The following SDK1 variants were observed in gnomAD, a reference collection of about 807,000 sequenced individuals.
SDK1 encodes protein sidekick-1.
In SDK1, 157 loss-of-function variants were observed where a neutral mutation model predicts 245.5. That is an observed-to-expected ratio of 0.64 (90% confidence interval 0.56 to 0.73). The LOEUF (loss-of-function observed/expected upper bound fraction) is 0.73. SDK1 is among the 30% of genes least tolerant of loss of function. SDK1 has a pLI of 0.00. For missense variants in SDK1, 3,583 were observed against 3,002.3 expected (o/e 1.19, Z -4.52); for synonymous variants, 1,647 against 1,278.5 (o/e 1.29, Z -6.15).
chr7:4,166,935 G>A (rs1451311276), intron 32 of SDK1, among the ~76,000 whole-genome samples: 1 of 152,166 alleles, frequency 6.6e-6, no homozygotes, highest in Non-Finnish European at 1.5e-5. Flanking sequence ...GCTGGAAGGA[G>A]AGAGGCTTTC....
chr7:3,413,723 A>G lies in SDK1; in HGVS notation c.298+111839A>G, dbSNP rs553835674. On this transcript the variant is annotated intron_variant, in intron 1 of 44. Transcript: ENST00000404826. ...TAAATAAATAACTAGGAGGCTGTGC[A>G]TGGTGGCTCACACCTGCACTTTGCG... Among the ~76,000 whole-genome samples the G allele has an allele frequency of 3.9e-5, 6 of 152,118 alleles. No homozygotes were observed. In the South Asian group the frequency reaches 1.0e-3, roughly 26 times the overall value.
chr7:3,627,694 T>G (rs1782162516), intron 2 of SDK1, among the ~76,000 whole-genome samples: 1 of 152,220 alleles, frequency 6.6e-6, no homozygotes, highest in Non-Finnish European at 1.5e-5. Flanking sequence ...ATTCATAGCC[T>G]CAGTCCTTGC....
At chr7:3,325,167 C>G (rs4722679) in intron 1 of SDK1, among the ~76,000 whole-genome samples, 35,565 of 151,732 alleles carry the variant, frequency 0.23, 4,555 homozygotes, top group East Asian at 0.35. Context: ...AACACAGATT[C>G]TGATGTGGAG....
chr7:3,928,763 C>T (rs1779868027), intron 5 of SDK1, among the ~76,000 whole-genome samples: 1 of 152,218 alleles, frequency 6.6e-6, no homozygotes, highest in Non-Finnish European at 1.5e-5. Flanking sequence ...CACTAATCTT[C>T]ACACTTACAG....
At chr7:3,696,535 A>G (rs550364292) in intron 4 of SDK1, among the ~76,000 whole-genome samples, 2 of 149,084 alleles carry the variant, frequency 1.3e-5, no homozygotes, top group East Asian at 2.0e-4. Flanking sequence ...ATGTAGTCCA[A>G]CTTTCTCTTT....
At chr7:4,088,692 C>A (rs1319413747) in intron 22 of SDK1, among the ~76,000 whole-genome samples, 1 of 152,080 alleles carries the variant, frequency 6.6e-6, no homozygotes, top group Non-Finnish European at 1.5e-5. Flanking sequence ...TATTCCGGAG[C>A]TCCTGAGACA....
Position 4,221,346 on chromosome 7 carries a change from A to G in SDK1, c.5809A>G (p.Ile1937Val). The G allele has an allele frequency of 1.2e-6, 2 of 1,610,622 alleles. No individual in the cohort carries two copies. Among genetic ancestry groups the G allele is most frequent in the Non-Finnish European group, 1.7e-6 (2 of 1,178,658 alleles). ...CGACACACCTACCACGGGCTATGTGATCGAGGCCCGGCCCTCAGGTAGGGT... is the reference window on the plus strand; with the variant it reads ...CGACACACCTACCACGGGCTATGTGGTCGAGGCCCGGCCCTCAGGTAGGGT... ...SGDTPTTGYV[I>V]EARPSDEGLW... Residue 1937 changes from isoleucine to valine, a missense_variant, in exon 40 of 45, where the codon ATC (isoleucine) becomes GTC (valine). Coordinates refer to ENST00000404826, the MANE Select transcript of SDK1 (RefSeq NM_152744.4).
intron 4 of SDK1, among the ~76,000 whole-genome samples, chr7:3,759,585 A>ATTC (rs1780034976): frequency 1.3e-5 from 1 of 78,488 alleles, no homozygotes; most frequent in Admixed American, 1.2e-4. Context: ...AATTTTTTTC[A>ATTC]TTATTATTAT....
In SDK1 at chr7:4,011,039, G is replaced by C. The variant is rs148910281; in HGVS notation, c.2205G>C (p.Pro735=). 6.2e-7 allele frequency: 1 copy of C among 1,614,180 alleles called. No homozygotes were observed. Among genetic ancestry groups the C allele is most frequent in the Admixed American group, 1.7e-5 (1 of 60,026 alleles). ...GCGTCACCGTGAGTGGCCTGACTCCGGCTCGTACCTATCAATTCCGGGTGT... is the reference window on the plus strand; with the variant it reads ...GCGTCACCGTGAGTGGCCTGACTCCCGCTCGTACCTATCAATTCCGGGTGT... ...MTGVTVSGLT[P]ARTYQFRVCA... The change falls in exon 15 of 45, where the codon CCG becomes CCC. Residue 735 remains proline (P), a synonymous_variant. Transcript: ENST00000404826.
chr7:3,352,666 G>T (rs962809300), intron 1 of SDK1, among the ~76,000 whole-genome samples: 7 of 152,136 alleles, frequency 4.6e-5, no homozygotes, highest in African/African-American at 1.2e-4. Flanking sequence ...ACACTGTTTG[G>T]GGTTTTACCA....
intron 4 of SDK1, among the ~76,000 whole-genome samples, chr7:3,715,288 G>A (rs1324162764): frequency 1.3e-5 from 2 of 151,982 alleles, no homozygotes; most frequent in Non-Finnish European, 2.9e-5. Context: ...ATTCATGTAT[G>A]TATCCACTTA....
chr7:3,311,338 T>G (rs916018500), intron 1 of SDK1, among the ~76,000 whole-genome samples: 1 of 152,170 alleles, frequency 6.6e-6, no homozygotes, highest in Non-Finnish European at 1.5e-5. Flanking sequence ...GCCATTGGAT[T>G]TGTTGATTAC....
intron 1 of SDK1, among the ~76,000 whole-genome samples, chr7:3,400,055 A>G (rs1193082445): frequency 6.6e-6 from 1 of 152,122 alleles, no homozygotes; most frequent in African/African-American, 2.4e-5. Context: ...GCTGTGAAGC[A>G]GGTCAGACAG....
At position 4,221,226 on chromosome 7, in the gene SDK1, C is replaced by T; in HGVS notation, c.5702-13C>T. The T allele has an allele frequency of 1.2e-6, 2 of 1,612,626 alleles. No individual in the cohort carries two copies. Among genetic ancestry groups the T allele is most frequent in the Non-Finnish European group, 1.7e-6 (2 of 1,179,910 alleles). On this transcript the variant is annotated splice_polypyrimidine_tract_variant and intron_variant, in intron 39 of 44. Transcript: ENST00000404826. ...GCTGATGCCTCACCTCTCTTTTCTT[C>T]TTTATCCCGCAGGATCCCCGGGCTC...
chr7:3,861,958 T>C (rs1298300413), intron 5 of SDK1, among the ~76,000 whole-genome samples: 2 of 152,170 alleles, frequency 1.3e-5, no homozygotes, highest in African/African-American at 4.8e-5. Context: ...CAGAGCATCC[T>C]AGAAGACTCT....
chr7:3,613,792 G>C (rs1039932153), intron 1 of SDK1, among the ~76,000 whole-genome samples: 1 of 151,606 alleles, frequency 6.6e-6, no homozygotes, highest in African/African-American at 2.4e-5. Context: ...ATACTACGCA[G>C]CCATAAAAAC....
chr7:3,852,756 A>C (rs1238789623), intron 5 of SDK1, among the ~76,000 whole-genome samples: 1 of 149,566 alleles, frequency 6.7e-6, no homozygotes, highest in Non-Finnish European at 1.5e-5. Flanking sequence ...GTCTCAAAAA[A>C]AAAAAAAAAA....
At chr7:4,019,128 T>C (rs1786663442) in intron 17 of SDK1, among the ~76,000 whole-genome samples, 2 of 152,144 alleles carry the variant, frequency 1.3e-5, no homozygotes, top group Non-Finnish European at 2.9e-5. Context: ...GTGCCTCCTG[T>C]ACAGTGGGAC....
At chr7:3,305,554 C>T (rs1583660288) in intron 1 of SDK1, among the ~76,000 whole-genome samples, 1 of 152,144 alleles carries the variant, frequency 6.6e-6, no homozygotes, top group African/African-American at 2.4e-5. Flanking sequence ...TTCCATTAAT[C>T]CAGAAGTACT....
Sources: gnomAD v4.1 joint callset for allele counts (sites outside exome capture counted in the v4.1 genomes callset) on GRCh38, gnomAD v4.1.1 for gene constraint, MANE v1.5 for transcripts, NCBI Gene and HGNC (gene_info 2026-07-23, HGNC 2026-07-21) for gene names.